The following ADAMTS19 variants were observed in gnomAD, a reference collection of about 807,000 sequenced individuals.
ADAMTS19 encodes the protein ADAM metallopeptidase with thrombospondin type 1 motif 19.
Under a neutral mutation model 153.3 loss-of-function variants are expected in ADAMTS19, and 93 were observed. That is an observed-to-expected ratio of 0.61 (90% CI 0.51 to 0.72). The LOEUF (loss-of-function observed/expected upper bound fraction) is 0.72. Ranked by LOEUF, ADAMTS19 falls within the 30% of genes least tolerant of loss-of-function variation. The pLI, the probability that ADAMTS19 is intolerant of heterozygous loss-of-function variation, is 0.00. For synonymous variants in ADAMTS19, 600 were observed against 556.6 expected, an observed-to-expected ratio of 1.08 and a Z score of -1.10; for missense variants, 1,482 against 1,552.1, an observed-to-expected ratio of 0.95 and a Z score of 0.76.
intron 11 of ADAMTS19, among the ~76,000 whole-genome samples, chr5:129,645,876 C>T (rs893982882): frequency 1.4e-5 from 2 of 141,500 alleles, no homozygotes; most frequent in Admixed American, 7.4e-5. Flanking sequence ...GTTTCTTTCT[C>T]CTTTTCCAAT....
intron 2 of ADAMTS19, among the ~76,000 whole-genome samples, chr5:129,496,397 G>T (rs764585430): frequency 1.3e-5 from 2 of 152,096 alleles, no homozygotes; most frequent in Non-Finnish European, 2.9e-5. Flanking sequence ...AGTAAATATT[G>T]TTGAATACAT....
intron 6 of ADAMTS19, among the ~76,000 whole-genome samples, chr5:129,546,610 G>A (rs1752870279): frequency 6.6e-6 from 1 of 150,852 alleles, no homozygotes; most frequent in South Asian, 2.1e-4. Context: ...AGTCAATAAA[G>A]TTGACTTTAT....
chr5:129,715,894 T>A (rs768632501), intron 21 of ADAMTS19, among the ~76,000 whole-genome samples: 1 of 152,116 alleles, frequency 6.6e-6, no homozygotes, highest in African/African-American at 2.4e-5. Context: ...AGTATATGTG[T>A]ACCTGGGGAG....
intron 8 of ADAMTS19, 95 bp from the exon 9 acceptor site, chr5:129,620,523 A>T: frequency 1.1e-6 from 1 of 888,518 alleles, no homozygotes; most frequent in Non-Finnish European, 1.5e-6. Flanking sequence ...CCAGTATTTT[A>T]AGTATTTTAA....
intron 7 of ADAMTS19, among the ~76,000 whole-genome samples, chr5:129,575,990 AT>A (rs1033834805): frequency 2.7e-5 from 4 of 145,912 alleles, no homozygotes; most frequent in Admixed American, 1.4e-4. Context: ...TGCAGACATA[AT>A]TTTTTTTAAC....
At chr5:129,653,088 C>G (rs966927164) in intron 13 of ADAMTS19, among the ~76,000 whole-genome samples, 1 of 152,172 alleles carries the variant, frequency 6.6e-6, no homozygotes, top group Non-Finnish European at 1.5e-5. Flanking sequence ...TCTGAAGGTT[C>G]ATTTAACTGT....
chr5:129,660,101 A>C (rs186698866), intron 15 of ADAMTS19, among the ~76,000 whole-genome samples: 1 of 152,294 alleles, frequency 6.6e-6, no homozygotes, highest in African/African-American at 2.4e-5. Flanking sequence ...CCATCTTCTA[A>C]AGTATGAATG....
intron 21 of ADAMTS19, among the ~76,000 whole-genome samples, chr5:129,729,003 T>A (rs1422478): frequency 0.047 from 7,128 of 152,210 alleles, 203 homozygotes; most frequent in African/African-American, 0.078. Flanking sequence ...GATTAGAGTC[T>A]TTACTCTTAG....
chr5:129,557,114 T>A (rs1269381127), intron 7 of ADAMTS19, among the ~76,000 whole-genome samples: 1 of 152,080 alleles, frequency 6.6e-6, no homozygotes, highest in Non-Finnish European at 1.5e-5. Context: ...TGAGAACTGG[T>A]AAAGAGCTTG....
intron 21 of ADAMTS19, among the ~76,000 whole-genome samples, chr5:129,722,896 C>T (rs978990948): frequency 2.0e-5 from 3 of 152,176 alleles, no homozygotes; most frequent in Non-Finnish European, 4.4e-5. Flanking sequence ...ATGGACTTCA[C>T]AACTATTCAT....
At chr5:129,724,670 C>T (rs1757132623) in intron 21 of ADAMTS19, among the ~76,000 whole-genome samples, 1 of 152,008 alleles carries the variant, frequency 6.6e-6, no homozygotes, top group South Asian at 2.1e-4. Flanking sequence ...AACTCTCTTT[C>T]GTAGAAAGAG....
intron 7 of ADAMTS19, among the ~76,000 whole-genome samples, chr5:129,587,000 A>G (rs190007465): frequency 4.3e-4 from 66 of 152,256 alleles, no homozygotes; most frequent in Non-Finnish European, 7.2e-4. Context: ...CATGTATACT[A>G]TGTTCCTCTT....
chr5:129,689,456 CTCT>C (rs1290229641), intron 18 of ADAMTS19, among the ~76,000 whole-genome samples: 1 of 152,072 alleles, frequency 6.6e-6, no homozygotes, highest in Admixed American at 6.6e-5. Context: ...TGGAGTTTGG[CTCT>C]TATTGCCCAG....
intron 7 of ADAMTS19, among the ~76,000 whole-genome samples, chr5:129,594,464 G>A (rs1750281858): frequency 6.6e-6 from 1 of 152,128 alleles, no homozygotes; most frequent in Non-Finnish European, 1.5e-5. Flanking sequence ...GCTAATTACA[G>A]TGAGCTTAAT....
chr5:129,528,976 A>G (rs1310066832), intron 6 of ADAMTS19, among the ~76,000 whole-genome samples: 2 of 152,128 alleles, frequency 1.3e-5, no homozygotes, highest in Admixed American at 1.3e-4. Context: ...ATTTTGTTGT[A>G]AGTTCCAAAT....
intron 6 of ADAMTS19, among the ~76,000 whole-genome samples, chr5:129,536,100 G>T (rs193289592): frequency 3.2e-4 from 49 of 152,196 alleles, no homozygotes; most frequent in African/African-American, 1.1e-3. Flanking sequence ...CACATCAAAA[G>T]AAACTACCAT....
chr5:129,492,977 T>C (rs1174028565), intron 2 of ADAMTS19, among the ~76,000 whole-genome samples: 1 of 152,184 alleles, frequency 6.6e-6, no homozygotes, highest in African/African-American at 2.4e-5. Flanking sequence ...ACTTCCCTAC[T>C]CCAAACTCAT....
At chr5:129,715,953 G>T (rs747890945) in intron 21 of ADAMTS19, among the ~76,000 whole-genome samples, 1 of 152,034 alleles carries the variant, frequency 6.6e-6, no homozygotes, top group Non-Finnish European at 1.5e-5. Context: ...AACTCCCTCT[G>T]TAAAGGTGTG....
chr5:129,661,731 A>C (rs547619745), intron 15 of ADAMTS19, among the ~76,000 whole-genome samples: 2 of 152,322 alleles, frequency 1.3e-5, no homozygotes, highest in East Asian at 1.9e-4. Context: ...GGCAAATTAC[A>C]TATTGGCCAG....
Sources: gnomAD v4.1 joint callset for allele counts (sites outside exome capture counted in the v4.1 genomes callset) on GRCh38, gnomAD v4.1.1 for gene constraint, MANE v1.5 for transcripts, NCBI Gene and HGNC (gene_info 2026-07-23, HGNC 2026-07-21) for gene names.